Variants in VRK2 observed in about 807,000 individuals in gnomAD.
VRK2 encodes serine/threonine-protein kinase VRK2.
VRK2 carries 60 observed loss-of-function variants against 57.6 expected under a neutral mutation model. The observed-to-expected ratio is 1.04, with a 90% CI of 0.85 to 1.29. The LOEUF (loss-of-function observed/expected upper bound fraction) is 1.29. VRK2 is among the 50% of genes most tolerant of loss of function. VRK2 has a pLI of 0.00. For synonymous variants in VRK2, 231 were observed against 199.2 expected (o/e 1.16, Z -1.35); for missense variants, 705 against 588.1 (o/e 1.20, Z -2.06).
chr2:58,141,743 G>C (rs1290733973), intron 11 of VRK2, among the ~76,000 whole-genome samples: 1 of 151,938 alleles, frequency 6.6e-6, no homozygotes, highest in African/African-American at 2.4e-5. Context: ...TACAGATTTT[G>C]CAGTGCTACA....
chr2:57,916,443 C>T (rs919830918), intron 1 of VRK2, among the ~76,000 whole-genome samples: 3 of 150,712 alleles, frequency 2.0e-5, no homozygotes, highest in African/African-American at 4.9e-5. Flanking sequence ...CCTAAAGAAC[C>T]ATAGTCAACT....
intron 1 of VRK2, among the ~76,000 whole-genome samples, chr2:57,984,014 T>G (rs560532029): frequency 6.6e-6 from 1 of 152,188 alleles, no homozygotes; most frequent in African/African-American, 2.4e-5. Flanking sequence ...ACTTCCTGCA[T>G]GGCTGATACT....
chr2:57,975,171 T>C (rs183664853), intron 1 of VRK2, among the ~76,000 whole-genome samples: 2 of 151,784 alleles, frequency 1.3e-5, no homozygotes, highest in Admixed American at 6.6e-5. Context: ...ATAATCACAA[T>C]GAAAAAAAAT....
intron 1 of VRK2, among the ~76,000 whole-genome samples, chr2:58,002,721 G>T (rs753333565): frequency 1.4e-4 from 21 of 152,174 alleles, no homozygotes; most frequent in Non-Finnish European, 2.6e-4. Flanking sequence ...GTAGAAATGA[G>T]CATAGGAAAT....
At chr2:57,936,180 GGCCAA>G (rs1451034530) in intron 1 of VRK2, among the ~76,000 whole-genome samples, 2 of 152,144 alleles carry the variant, frequency 1.3e-5, no homozygotes, top group African/African-American at 4.8e-5. Context: ...GCTAGATTGA[GGCCAA>G]GCCATGGGAC....
chr2:58,154,682 A>T, intron 12 of VRK2: 1 of 711,998 alleles, frequency 1.4e-6, no homozygotes, highest in Non-Finnish European at 2.6e-6. Context: ...TAAATTTTAA[A>T]GCATTTGGAG....
chr2:58,057,074 C>G (rs1467121920), intron 2 of VRK2, among the ~76,000 whole-genome samples: 1 of 152,076 alleles, frequency 6.6e-6, no homozygotes. Context: ...TAACCTGTTT[C>G]CCCCAACATG....
chr2:58,047,099 C>G (rs1318452320), intron 1 of VRK2: 3 of 555,116 alleles, frequency 5.4e-6, no homozygotes, highest in Middle Eastern at 9.0e-4. Context: ...TCACGTTTGC[C>G]AAAAGCGGGT....
At chr2:58,126,271 C>G (rs767926407) in intron 8 of VRK2, among the ~76,000 whole-genome samples, 1 of 152,076 alleles carries the variant, frequency 6.6e-6, no homozygotes, top group Non-Finnish European at 1.5e-5. Context: ...GTAAAACTGA[C>G]TTATGAGTTA....
At chr2:57,975,961 T>C (rs1672239968) in intron 1 of VRK2, among the ~76,000 whole-genome samples, 1 of 151,954 alleles carries the variant, frequency 6.6e-6, no homozygotes, top group African/African-American at 2.4e-5. Context: ...TTGTTCCCGT[T>C]TGTGTCCACA....
chr2:57,908,462 CATG>C (rs1342367862), intron 1 of VRK2, among the ~76,000 whole-genome samples: 1 of 151,792 alleles, frequency 6.6e-6, no homozygotes, highest in Non-Finnish European at 1.5e-5. Flanking sequence ...TAACATAAAA[CATG>C]ATGAAGAAGT....
chr2:58,084,852 A>G lies in VRK2; in HGVS notation c.187-29A>G, dbSNP rs781220332. The stretch of plus-strand genomic sequence containing the variant: ...TCCATCTTTGGGATTATTTTTTTCT[A>G]GTAAAATTAATTATTCTTTTTTTTA... On this transcript the variant is annotated intron_variant, in intron 3 of 12. Transcript: ENST00000340157. 5.8e-6 allele frequency: 8 copies of G among 1,374,368 alleles called. No individual in the cohort carries two copies. In the South Asian group the frequency reaches 6.5e-5, roughly 11 times the overall value. 85.1% of individuals were successfully genotyped at this position (1,374,368 alleles called of 1,614,324 possible). A position where few individuals can be genotyped will look rare whatever the true frequency, so the allele number is the denominator to read the frequency against.
intron 8 of VRK2, among the ~76,000 whole-genome samples, chr2:58,123,502 T>C (rs1573246251): frequency 6.6e-6 from 1 of 152,174 alleles, no homozygotes; most frequent in African/African-American, 2.4e-5. Context: ...AGCCACAGTT[T>C]GTATAGGTAA....
At chr2:58,138,330 C>T (rs1680837787) in intron 10 of VRK2, among the ~76,000 whole-genome samples, 1 of 152,014 alleles carries the variant, frequency 6.6e-6, no homozygotes, top group Non-Finnish European at 1.5e-5. Flanking sequence ...AATAGCAGCA[C>T]TTGCTAGTTA....
chr2:57,931,306 A>G (rs1189261589), intron 1 of VRK2, among the ~76,000 whole-genome samples: 1 of 152,060 alleles, frequency 6.6e-6, no homozygotes, highest in African/African-American at 2.4e-5. Flanking sequence ...TATCTTCTAA[A>G]TTTTTTATTA....
intron 12 of VRK2, among the ~76,000 whole-genome samples, chr2:58,154,179 T>C (rs1469391952): frequency 6.6e-6 from 1 of 152,138 alleles, no homozygotes; most frequent in Non-Finnish European, 1.5e-5. Context: ...GTTTGTGTTT[T>C]CTTTCCCTGT....
At chr2:58,061,229 C>A (rs929451697) in intron 2 of VRK2, among the ~76,000 whole-genome samples, 6 of 151,332 alleles carry the variant, frequency 4.0e-5, no homozygotes, top group Admixed American at 4.0e-4. Flanking sequence ...TAGGGAAGCT[C>A]AAAATGTATT....
At chr2:58,123,809 C>G (rs1257119436) in intron 8 of VRK2, among the ~76,000 whole-genome samples, 2 of 151,484 alleles carry the variant, frequency 1.3e-5, no homozygotes, top group East Asian at 3.9e-4. Context: ...GAGCCATAAT[C>G]ACACCACTGC....
chr2:58,064,040 C>T (rs550596926), intron 2 of VRK2, among the ~76,000 whole-genome samples: 4 of 152,132 alleles, frequency 2.6e-5, no homozygotes, highest in Middle Eastern at 3.4e-3. Flanking sequence ...CTGAACTGCT[C>T]AATCTCATGA....
Sources: allele counts gnomAD v4.1 joint callset (sites outside exome capture counted in the v4.1 genomes callset), GRCh38; gene constraint gnomAD v4.1.1; transcripts MANE v1.5; gene names NCBI Gene and HGNC (gene_info 2026-07-23, HGNC 2026-07-21).